ADD3: variants seen among roughly 807,000 people sequenced by gnomAD.
ADD3 encodes adducin 3.
Under a neutral mutation model 80.2 loss-of-function variants are expected in ADD3, and 25 were observed. The ratio of observed to expected loss-of-function variants is 0.31; its 90% CI spans 0.23 to 0.44. The LOEUF is 0.44. Among genes scored for constraint, ADD3 ranks in the 20% least tolerant of loss-of-function variants. The pLI, the probability that ADD3 is intolerant of heterozygous loss-of-function variation, is 1.00. For missense variants in ADD3, 829 were observed against 847.5 expected (o/e 0.98, Z 0.27); for synonymous variants, 284 against 289.6 (o/e 0.98, Z 0.20).
chr10:110,118,994 A>G (rs1851125680), intron 6 of ADD3, among the ~76,000 whole-genome samples: 1 of 152,166 alleles, frequency 6.6e-6, no homozygotes, highest in Non-Finnish European at 1.5e-5. Flanking sequence ...CTTTCATAAT[A>G]TTTGACACAG....
chr10:110,041,056 C>A (rs1856296856), intron 1 of ADD3, among the ~76,000 whole-genome samples: 1 of 152,140 alleles, frequency 6.6e-6, no homozygotes, highest in Non-Finnish European at 1.5e-5. Context: ...GTGTCTCTCA[C>A]TATCTCCCTC....
At position 110,068,718 on chromosome 10, in the gene ADD3, AG is replaced by A. The variant is rs577896800; in HGVS notation, c.-29-31905del. On this transcript the variant is annotated intron_variant, in intron 1 of 14. Transcript: ENST00000356080. ...TTTTTTGTCAAAGTTTAGATGTTGTAGGTGTGAATTCATTAGTATAAAGTAC... is the reference window on the plus strand; with the variant it reads ...TTTTTTGTCAAAGTTTAGATGTTGTAGTGTGAATTCATTAGTATAAAGTAC... Among the ~76,000 whole-genome samples, 8 of 152,302 alleles carry A rather than the reference AG, an allele frequency of 5.3e-5. No individual in the cohort carries two copies. The South Asian group carries it at 1.7e-3, about 32-fold the overall frequency.
chr10:109,999,377 G>GC (rs1358989237), intron 1 of ADD3, among the ~76,000 whole-genome samples: 1 of 152,096 alleles, frequency 6.6e-6, no homozygotes, highest in Non-Finnish European at 1.5e-5. Flanking sequence ...TCCTGCCACC[G>GC]CCATCACCTA....
chr10:110,108,285 T>G (rs1849614228), intron 2 of ADD3, among the ~76,000 whole-genome samples: 1 of 152,164 alleles, frequency 6.6e-6, no homozygotes, highest in Non-Finnish European at 1.5e-5. Flanking sequence ...TAATCTAGCC[T>G]AAGAGGTTTA....
intron 1 of ADD3, among the ~76,000 whole-genome samples, chr10:110,066,111 G>C (rs1843921659): frequency 1.3e-5 from 2 of 151,964 alleles, no homozygotes; most frequent in Non-Finnish European, 2.9e-5. Flanking sequence ...TCTTGACTTG[G>C]GGTTTTCTGG....
In ADD3 at chr10:110,020,875, A is replaced by G. The variant is rs536852750; in HGVS notation, c.-30+12576A>G. On this transcript the variant is annotated intron_variant, in intron 1 of 14. Transcript: ENST00000356080. Reference sequence around the variant, plus strand: ...GACACCAAGGTTTTGGGCCTAGGCAAAAGTCTAAGAAGGAGCAGTTTGGAG... The same window carrying G: ...GACACCAAGGTTTTGGGCCTAGGCAGAAGTCTAAGAAGGAGCAGTTTGGAG... 7.2e-5 allele frequency among the ~76,000 whole-genome samples: 11 copies of G among 152,322 alleles called. No homozygotes were observed. In the South Asian group the frequency reaches 2.1e-3, roughly 29 times the overall value.
At chr10:110,100,474 A>G (rs887148626) in intron 1 of ADD3, among the ~76,000 whole-genome samples, 151 bp from the exon 2 acceptor site, 2 of 152,190 alleles carry the variant, frequency 1.3e-5, no homozygotes, top group Non-Finnish European at 2.9e-5. Context: ...TTTTATATGA[A>G]TAAAAAATTG....
At chr10:110,046,880 C>T (rs1856966248) in intron 1 of ADD3, among the ~76,000 whole-genome samples, 1 of 151,108 alleles carries the variant, frequency 6.6e-6, no homozygotes, top group African/African-American at 2.4e-5. Flanking sequence ...TAAATAAATA[C>T]TGTCATAATC....
At chr10:110,040,409 C>G (rs1346087553) in intron 1 of ADD3, among the ~76,000 whole-genome samples, 1 of 152,168 alleles carries the variant, frequency 6.6e-6, no homozygotes, top group African/African-American at 2.4e-5. Flanking sequence ...GATCACACAG[C>G]ACAAATTTAG....
intron 1 of ADD3, among the ~76,000 whole-genome samples, chr10:110,065,950 T>C (rs1843901018): frequency 6.6e-6 from 1 of 152,144 alleles, no homozygotes; most frequent in African/African-American, 2.4e-5. Context: ...CATGTACTGT[T>C]ACTCCATTAA....
At chr10:109,997,161 C>CA (rs1032160849) in intron 1 of ADD3, among the ~76,000 whole-genome samples, 6 of 152,122 alleles carry the variant, frequency 3.9e-5, no homozygotes, top group African/African-American at 1.4e-4. Flanking sequence ...ATGAGGTCTT[C>CA]GTAGCAGTAT....
At chr10:110,082,960 T>C (rs980696850) in intron 1 of ADD3, among the ~76,000 whole-genome samples, 1 of 152,224 alleles carries the variant, frequency 6.6e-6, no homozygotes, top group African/African-American at 2.4e-5. Flanking sequence ...CTAGAATCCC[T>C]GTCCTGGTTT....
At chr10:110,119,740 A>G (rs1356168341) in intron 8 of ADD3, 176 bp downstream of exon 8, 4 of 558,156 alleles carry the variant, frequency 7.2e-6, no homozygotes, top group Non-Finnish European at 1.3e-5. Context: ...TGAAAATAGG[A>G]GTAAAGGAAA....
At chr10:110,112,044 A>G (rs1216301339) in intron 2 of ADD3, 3 of 152,136 alleles carry the variant, frequency 2.0e-5, no homozygotes, top group Non-Finnish European at 4.4e-5. Flanking sequence ...AGTAGAAATT[A>G]TTTTAGTATG....
At chr10:110,051,706 TCA>T (rs1167339235) in intron 1 of ADD3, among the ~76,000 whole-genome samples, 9 of 152,208 alleles carry the variant, frequency 5.9e-5, no homozygotes, top group African/African-American at 1.2e-4. Context: ...ATAGAAAGAA[TCA>T]CAGGGTGGCA....
chr10:110,015,578 G>A (rs1589729609), intron 1 of ADD3, among the ~76,000 whole-genome samples: 1 of 151,852 alleles, frequency 6.6e-6, no homozygotes, highest in South Asian at 2.1e-4. Flanking sequence ...GTTTTACCAT[G>A]TTAGCCCGGA....
chr10:110,081,686 CTG>C (rs781101140), intron 1 of ADD3, among the ~76,000 whole-genome samples: 2 of 152,244 alleles, frequency 1.3e-5, no homozygotes, highest in African/African-American at 2.4e-5. Context: ...GTATAAAAAA[CTG>C]TTGGAATTAT....
At chr10:109,999,401 C>T (rs1851440811) in intron 1 of ADD3, among the ~76,000 whole-genome samples, 3 of 152,194 alleles carry the variant, frequency 2.0e-5, no homozygotes, top group Admixed American at 2.0e-4. Context: ...CCCTTCTCCT[C>T]GTTTTTCCCC....
intron 1 of ADD3, among the ~76,000 whole-genome samples, chr10:110,091,376 G>A (rs1847486881): frequency 6.6e-6 from 1 of 152,088 alleles, no homozygotes; most frequent in Non-Finnish European, 1.5e-5. Context: ...TTAAACCTCA[G>A]TTTTTATACT....
Sources: gnomAD v4.1 joint callset for allele counts (sites outside exome capture counted in the v4.1 genomes callset) on GRCh38, gnomAD v4.1.1 for gene constraint, MANE v1.5 for transcripts, NCBI Gene and HGNC (gene_info 2026-07-23, HGNC 2026-07-21) for gene names.